Variants in PUM1 observed in about 807,000 individuals in gnomAD.
PUM1 encodes pumilio homolog 1.
In PUM1, 13 loss-of-function variants were observed where a neutral mutation model predicts 131.8. The ratio of observed to expected loss-of-function variants is 0.10; its 90% CI spans 0.06 to 0.16. The LOEUF (loss-of-function observed/expected upper bound fraction) is 0.16, where lower values mean the gene tolerates loss of function less well. Among genes scored for constraint, PUM1 ranks in the 10% least tolerant of loss-of-function variants. PUM1 has a pLI of 1.00. For synonymous variants in PUM1, 509 were observed against 556.5 expected (o/e 0.91, Z 1.20); for missense variants, 961 against 1,512.4 (o/e 0.64, Z 6.05).
chr1:30,956,859 A>T (rs1640185474), intron 14 of PUM1, among the ~76,000 whole-genome samples: 1 of 152,186 alleles, frequency 6.6e-6, no homozygotes, highest in Admixed American at 6.5e-5. Context: ...CTGCCCTACC[A>T]CTATACTTCC....
At chr1:31,027,150 A>G (rs980996838) in intron 3 of PUM1, among the ~76,000 whole-genome samples, 1 of 152,172 alleles carries the variant, frequency 6.6e-6, no homozygotes, top group Non-Finnish European at 1.5e-5. Context: ...TAATTTTTTA[A>G]AAATAAAAAC....
chr1:31,036,139 G>T (rs1044535832), intron 2 of PUM1, among the ~76,000 whole-genome samples: 1 of 151,304 alleles, frequency 6.6e-6, no homozygotes, highest in African/African-American at 2.4e-5. Flanking sequence ...GCACTATCTC[G>T]GCTCACTGCA....
At chr1:30,999,073 T>C (rs530420253) in intron 5 of PUM1, among the ~76,000 whole-genome samples, 50 of 152,340 alleles carry the variant, frequency 3.3e-4, no homozygotes, top group African/African-American at 1.1e-3. Context: ...CAATGATGAC[T>C]CACTGCAGCC....
At chr1:31,047,102 T>G (rs1359380410) in intron 2 of PUM1, among the ~76,000 whole-genome samples, 1 of 152,094 alleles carries the variant, frequency 6.6e-6, no homozygotes. Flanking sequence ...GTGGCAGGAC[T>G]CACTTGAACC....
intron 8 of PUM1, 53 bp downstream of exon 8, chr1:30,981,259 C>G: frequency 8.5e-7 from 1 of 1,175,054 alleles, no homozygotes; most frequent in Admixed American, 2.3e-5. Flanking sequence ...AACCAGTTAT[C>G]CTAAAATGGC....
At chr1:31,028,392 C>T (rs1327674991) in intron 3 of PUM1, among the ~76,000 whole-genome samples, 1 of 127,932 alleles carries the variant, frequency 7.8e-6, no homozygotes, top group Non-Finnish European at 1.6e-5. Flanking sequence ...TGATTAGCAG[C>T]CAATCTAAGA....
chr1:31,030,013 CG>C (rs1055694926), intron 2 of PUM1, among the ~76,000 whole-genome samples: 28 of 151,206 alleles, frequency 1.9e-4, no homozygotes, highest in African/African-American at 6.3e-4. Flanking sequence ...ATCAGGAGTT[CG>C]AGACCAGCCT....
intron 2 of PUM1, among the ~76,000 whole-genome samples, chr1:31,045,479 T>G (rs1421306465): frequency 1.3e-5 from 2 of 152,268 alleles, no homozygotes; most frequent in African/African-American, 4.8e-5. Flanking sequence ...CCAGGCATGA[T>G]GGCTCACACC....
At chr1:30,934,664 A>T (rs1308817135) in intron 21 of PUM1, among the ~76,000 whole-genome samples, 2 of 152,144 alleles carry the variant, frequency 1.3e-5, no homozygotes, top group African/African-American at 4.8e-5. Context: ...CTATGTTACT[A>T]ATGTTTCTGT....
intron 10 of PUM1, among the ~76,000 whole-genome samples, chr1:30,969,540 CCTGA>C (rs1232395385): frequency 2.0e-5 from 3 of 152,256 alleles, no homozygotes; most frequent in South Asian, 2.1e-4. Flanking sequence ...AGGGCTCTCA[CCTGA>C]CTATTTCTAT....
rs1406842752 is a variant in PUM1 at position 30,981,340 on chromosome 1, T to G, written c.1224A>C (p.Ala408=). The G allele has an allele frequency of 6.2e-7, 1 of 1,602,004 alleles. No homozygotes were observed. Among genetic ancestry groups the G allele is most frequent in the East Asian group, 2.2e-5 (1 of 44,446 alleles). ...QLTAAQQQQY[A]LAAAHQPHIG... is the part of the protein sequence containing the mutation. The stretch of plus-strand genomic sequence containing the variant: ...TGTGCGGCTGATGAGCAGCTGCCAG[T>G]GCATACTGCTGCTGCTGAGCAGCTG... The change falls in exon 8 of 22, where the codon GCA becomes GCC. Residue 408 remains alanine (A), a synonymous_variant. Transcript: ENST00000426105.
At chr1:31,018,872 A>C (rs1642919334) in intron 3 of PUM1, among the ~76,000 whole-genome samples, 1 of 152,202 alleles carries the variant, frequency 6.6e-6, no homozygotes, top group African/African-American at 2.4e-5. Flanking sequence ...ATGAAGAAAA[A>C]GAAAATTCAA....
At chr1:31,058,570 G>A (rs1338370024) in intron 2 of PUM1, among the ~76,000 whole-genome samples, 2 of 151,716 alleles carry the variant, frequency 1.3e-5, no homozygotes, top group Non-Finnish European at 2.9e-5. Flanking sequence ...GCTGAGGCAG[G>A]AGAATGGCAT....
Position 30,952,340 on chromosome 1 carries a change from C to A in PUM1, c.2615G>T (p.Arg872Leu), listed in dbSNP as rs774796938. ...GSRFIQLKLE[R>L]ATPAERQLVF... ...AAGCTGGCGCTCAGCTGGTGTGGCA[C>A]GCTCCAGTTTCAGCTGAATGAATCT... The change falls in exon 16 of 22, where the codon CGT (arginine) becomes CTT (leucine). Residue 872 changes from arginine (R) to leucine (L), a missense_variant. Transcript: ENST00000426105. The A allele has an allele frequency of 6.2e-7, 1 of 1,613,404 alleles. No individual in the cohort carries two copies. The highest frequency in any genetic ancestry group is 8.5e-7 in the Non-Finnish European group (1 of 1,179,380).
chr1:30,959,349 C>G (rs935835365), intron 14 of PUM1, among the ~76,000 whole-genome samples: 2 of 152,180 alleles, frequency 1.3e-5, no homozygotes, highest in African/African-American at 4.8e-5. Flanking sequence ...TTCATTAATA[C>G]AGATTCAAAA....
intron 10 of PUM1, among the ~76,000 whole-genome samples, chr1:30,973,477 G>A (rs1402001387): frequency 6.6e-6 from 1 of 152,148 alleles, no homozygotes; most frequent in East Asian, 1.9e-4. Flanking sequence ...TGTAAAGGAT[G>A]TTAATCAATC....
chr1:30,938,982 A>G (rs945214731), intron 20 of PUM1, among the ~76,000 whole-genome samples: 1 of 151,986 alleles, frequency 6.6e-6, no homozygotes, highest in East Asian at 1.9e-4. Flanking sequence ...TACATACATA[A>G]TTTTCTACTA....
At chr1:30,940,808 G>A (rs905785705) in intron 20 of PUM1, among the ~76,000 whole-genome samples, 1 of 152,100 alleles carries the variant, frequency 6.6e-6, no homozygotes, top group Non-Finnish European at 1.5e-5. Context: ...TATGCATATG[G>A]TAAACTGCCT....
chr1:30,936,876 G>T (rs1275603930), intron 20 of PUM1, 41 bp from the exon 21 acceptor site: 1 of 1,506,498 alleles, frequency 6.6e-7, no homozygotes, highest in Non-Finnish European at 9.1e-7. Flanking sequence ...TACAAGAGAG[G>T]CCCCTGTTAG....
Sources: gnomAD v4.1 joint callset for allele counts (sites outside exome capture counted in the v4.1 genomes callset) on GRCh38, gnomAD v4.1.1 for gene constraint, MANE v1.5 for transcripts, NCBI Gene and HGNC (gene_info 2026-07-23, HGNC 2026-07-21) for gene names.